Variants in CEP120 observed in about 807,000 individuals in gnomAD.
CEP120 encodes the protein centrosomal protein of 120 kDa.
In CEP120, 113 loss-of-function variants were observed where a neutral mutation model predicts 126.5. The ratio of observed to expected loss-of-function variants is 0.89; its 90% CI spans 0.77 to 1.04. The LOEUF (loss-of-function observed/expected upper bound fraction) is 1.04. Among genes scored for constraint, CEP120 ranks in the 50% least tolerant of loss-of-function variants. The pLI, the probability that CEP120 is intolerant of heterozygous loss-of-function variation, is 0.00. For missense variants in CEP120, 1,230 were observed against 1,155.7 expected (o/e 1.06, Z -0.93); for synonymous variants, 400 against 394.3 (o/e 1.01, Z -0.17).
chr5:123,388,530 C>A lies in CEP120; in HGVS notation c.1332G>T (p.Lys444Asn). ...SNASEVASGQ[K>N]IAVPATSHHF... Reference sequence around the variant, plus strand: ...GATGTGATGTTGCTGGTACAGCAATCTTCTGTCCTGAAGCTACTTCTGAAG... The same window carrying A: ...GATGTGATGTTGCTGGTACAGCAATATTCTGTCCTGAAGCTACTTCTGAAG... The change falls in exon 9 of 20, where the codon AAG becomes AAT. Residue 444 changes from lysine (K) to asparagine (N), a missense_variant. Transcript: ENST00000306467. 1.9e-6 allele frequency: 3 copies of A among 1,611,318 alleles called. No individual in the cohort carries two copies. The highest frequency in any genetic ancestry group is 2.2e-5 in the East Asian group (1 of 44,724).
At chr5:123,419,236 G>A (rs555940092) in intron 1 of CEP120, among the ~76,000 whole-genome samples, 9 of 152,302 alleles carry the variant, frequency 5.9e-5, no homozygotes, top group African/African-American at 1.4e-4. Context: ...GTGATTACAC[G>A]AATTTTAGGT....
intron 8 of CEP120, 37 bp downstream of exon 8, chr5:123,389,887 C>T (rs760913340): frequency 6.5e-7 from 1 of 1,545,760 alleles, no homozygotes; most frequent in Non-Finnish European, 8.9e-7. Flanking sequence ...AAATGCAATA[C>T]CTCAAAGATC....
At position 123,346,629 on chromosome 5, in the gene CEP120, C is replaced by T; in HGVS notation, c.2851G>A (p.Glu951Lys). Residue 951 changes from glutamate (E) to lysine (K), a missense_variant, in exon 20 of 20, where the codon GAA (glutamate) becomes AAA (lysine). Physicochemically the swap from Glu to Lys is moderately conservative, Grantham distance 56 (BLOSUM62 1). Coordinates refer to ENST00000306467, the MANE Select transcript of CEP120 (RefSeq NM_001375405.1). The part of the protein sequence containing the change: ...LDDYLTRLIE[E>K]RDTLMRTGVY... ...CCCGTTCTCATCAAAGTATCCCTTTCTTCTATCAGGCGAGTCAAATAATCA... is the reference window on the plus strand; with the variant it reads ...CCCGTTCTCATCAAAGTATCCCTTTTTTCTATCAGGCGAGTCAAATAATCA... The T allele has an allele frequency of 6.2e-7, 1 of 1,613,978 alleles. No homozygotes were observed. The highest frequency in any genetic ancestry group is 8.5e-7 in the Non-Finnish European group (1 of 1,179,934).
chr5:123,360,949 A>T (rs1377768025), intron 18 of CEP120, among the ~76,000 whole-genome samples: 3 of 151,860 alleles, frequency 2.0e-5, no homozygotes, highest in Non-Finnish European at 4.4e-5. Flanking sequence ...TATAATATAC[A>T]CATATGAACA....
chr5:123,352,547 GATCT>G (rs1469718122), intron 18 of CEP120, among the ~76,000 whole-genome samples: 2 of 151,908 alleles, frequency 1.3e-5, no homozygotes, highest in African/African-American at 2.4e-5. Context: ...GCTCTAAACT[GATCT>G]ATTTATCCTT....
chr5:123,406,298 T>C (rs955526779), intron 4 of CEP120, among the ~76,000 whole-genome samples: 3 of 151,564 alleles, frequency 2.0e-5, no homozygotes, highest in African/African-American at 7.3e-5. Context: ...AGAAGAAATA[T>C]TTGAAGCAAT....
chr5:123,393,386 T>G lies in CEP120; in HGVS notation c.724A>C (p.Asn242His), dbSNP rs765267157. Residue 242 changes from asparagine to histidine, a missense_variant, in exon 6 of 20, where the codon AAC (asparagine) becomes CAC (histidine). By Grantham distance (68) the Asn-to-His change is moderately conservative. Transcript: ENST00000306467. ...ACTGATGCTCTCTCTGGCTCAAAGT[T>G]TGGGTTGATTAAATCATTGAAGGGT... ...NEPFNDLINPNFEPERASVRI... is the reference protein window; with the variant it reads ...NEPFNDLINPHFEPERASVRI... The G allele has an allele frequency of 4.3e-6, 7 of 1,614,036 alleles. No individual in the cohort carries two copies. Among genetic ancestry groups the G allele is most frequent in the South Asian group, 2.2e-5 (2 of 91,086 alleles).
intron 6 of CEP120, among the ~76,000 whole-genome samples, chr5:123,391,620 T>A (rs988817962): frequency 6.6e-6 from 1 of 152,158 alleles, no homozygotes; most frequent in African/African-American, 2.4e-5. Context: ...TCTGTCTCTT[T>A]GGTGAGCTAC....
In CEP120 at chr5:123,423,010, G is replaced by C. The variant is rs1774820592; in HGVS notation, c.-12C>G. 6.2e-7 allele frequency: 1 copy of C among 1,613,714 alleles called. No homozygotes were observed. On this transcript the variant is annotated 5_prime_UTR_variant, in exon 1 of 20. Coordinates refer to ENST00000306467, the MANE Select transcript of CEP120 (RefSeq NM_001375405.1). ...GATTTGGAGACCATGGTTGCGGTGAGCGGTCCGGGGGCGAAGGCGGCTGGG... is the reference window on the plus strand; with the variant it reads ...GATTTGGAGACCATGGTTGCGGTGACCGGTCCGGGGGCGAAGGCGGCTGGG...
At chr5:123,357,957 A>C (rs1021198358) in intron 18 of CEP120, among the ~76,000 whole-genome samples, 2 of 152,150 alleles carry the variant, frequency 1.3e-5, no homozygotes, top group African/African-American at 4.8e-5. Flanking sequence ...ACCACTTTAA[A>C]GATAATTATG....
chr5:123,359,840 C>T (rs1223792961), intron 18 of CEP120, among the ~76,000 whole-genome samples: 3 of 151,906 alleles, frequency 2.0e-5, no homozygotes, highest in African/African-American at 4.8e-5. Context: ...AATAGACTAT[C>T]CTGGGTCACC....
At position 123,423,151 on chromosome 5, in the gene CEP120, C is replaced by T; in HGVS notation, c.-153G>A. ...CTCCGCAGCCAGGTCCCACCGCCGT[C>T]TGCTGCAGCGCGCCCGGCTCCTCTG... is the stretch of plus-strand genomic sequence containing the variant. On this transcript the variant is annotated 5_prime_UTR_variant, in exon 1 of 20. Transcript: ENST00000306467. 6.2e-6 allele frequency: 4 copies of T among 650,036 alleles called. No individual in the cohort carries two copies. The highest frequency in any genetic ancestry group is 4.2e-4 in the Middle Eastern group (1 of 2,402). The allele number at this position is 650,036 out of a possible 1,614,324, so 40.3% of individuals were successfully genotyped here.
chr5:123,369,247 G>T lies in CEP120; in HGVS notation c.2481+3403C>A, dbSNP rs1488372733. ...TTATATTTACAAACATACAATTTAA[G>T]TAAAACAATGTCCTAGGTTCTATGT... On this transcript the variant is annotated intron_variant, in intron 17 of 19. Transcript: ENST00000306467. Among the ~76,000 whole-genome samples the T allele has an allele frequency of 6.6e-5, 10 of 151,960 alleles. No homozygotes were observed. The East Asian group carries it at 1.7e-3, about 27-fold the overall frequency.
chr5:123,356,256 C>T (rs1375707744), intron 18 of CEP120, among the ~76,000 whole-genome samples: 1 of 152,044 alleles, frequency 6.6e-6, no homozygotes, highest in African/African-American at 2.4e-5. Flanking sequence ...ATTGACTTGG[C>T]AATGCAGGCT....
intron 18 of CEP120, among the ~76,000 whole-genome samples, chr5:123,362,051 C>T (rs1217354501): frequency 6.6e-6 from 1 of 151,676 alleles, no homozygotes; most frequent in Non-Finnish European, 1.5e-5. Context: ...TATGCTGCTT[C>T]TGATGGAGTT....
intron 3 of CEP120, among the ~76,000 whole-genome samples, chr5:123,415,338 T>C (rs1301925259): frequency 2.0e-5 from 3 of 152,308 alleles, no homozygotes; most frequent in Non-Finnish European, 4.4e-5. Flanking sequence ...GGAAGACTTC[T>C]GTATTTCTAA....
In CEP120 at chr5:123,418,468, T is replaced by C. The variant is rs778376278; in HGVS notation, c.97A>G (p.Lys33Glu). The C allele has an allele frequency of 5.0e-6, 8 of 1,611,682 alleles. No homozygotes were observed. Among genetic ancestry groups the C allele is most frequent in the South Asian group, 1.1e-5 (1 of 90,882 alleles). The change falls in exon 2 of 20, where the codon AAG becomes GAG. Residue 33 changes from lysine to glutamate, a missense_variant. By Grantham distance (56) the Lys-to-Glu change is moderately conservative (BLOSUM62 1). Coordinates refer to ENST00000306467, the MANE Select transcript of CEP120 (RefSeq NM_001375405.1). Reference sequence around the variant, plus strand: ...GTAGCCAACTGTTCTCCATCAAACTTTGCTTCCACTACAAGCATATGCTTT... The same window carrying C: ...GTAGCCAACTGTTCTCCATCAAACTCTGCTTCCACTACAAGCATATGCTTT... The part of the protein sequence containing the change: ...RPKHMLVVEA[K>E]FDGEQLATDP...
At chr5:123,380,580 G>T (rs891719039) in intron 14 of CEP120, among the ~76,000 whole-genome samples, 1 of 152,042 alleles carries the variant, frequency 6.6e-6, no homozygotes, top group Non-Finnish European at 1.5e-5. Context: ...ATTACTTGGT[G>T]AGTTTTCACA....
In CEP120 at chr5:123,399,054, G is replaced by C. The variant is rs925070589; in HGVS notation, c.612+82C>G. The C allele has an allele frequency of 1.4e-5, 15 of 1,079,078 alleles. No homozygotes were observed. The African/African-American group carries it at 1.6e-4, about 12-fold the overall frequency. The allele number at this position is 1,079,078 out of a possible 1,614,324, so 66.8% of individuals were successfully genotyped here. A position where few individuals can be genotyped will look rare whatever the true frequency, so the allele number is the denominator to read the frequency against. On this transcript the variant is annotated intron_variant, in intron 5 of 19. Transcript: ENST00000306467. ...TTAAAAAAAAAAAGTCTACTTGCAA[G>C]TCTTTTTAATACCTGAAAGGTAAAA...
Sources: gnomAD v4.1 joint callset for allele counts (sites outside exome capture counted in the v4.1 genomes callset) on GRCh38, gnomAD v4.1.1 for gene constraint, MANE v1.5 for transcripts, NCBI Gene and HGNC (gene_info 2026-07-23, HGNC 2026-07-21) for gene names.